Variants in GARRE1 observed in about 807,000 individuals in gnomAD.
GARRE1 encodes the protein granule associated Rac and RHOG effector 1.
Under a neutral mutation model 103.2 loss-of-function variants are expected in GARRE1, and 49 were observed. The observed-to-expected ratio is 0.47, with a 90% CI of 0.38 to 0.60. The LOEUF is 0.60. Among genes scored for constraint, GARRE1 ranks in the 20% least tolerant of loss-of-function variants. The probability of loss-of-function intolerance (pLI) is 0.00; values close to 1 mark genes in which losing one functional copy is unlikely to be tolerated. For missense variants in GARRE1, 1,199 were observed against 1,370.5 expected (o/e 0.87, Z 1.98); for synonymous variants, 505 against 532.8 (o/e 0.95, Z 0.72).
At chr19:34,333,959 G>T (rs1032615080) in intron 8 of GARRE1, among the ~76,000 whole-genome samples, 158 bp downstream of exon 8, 2 of 152,208 alleles carry the variant, frequency 1.3e-5, no homozygotes, top group Non-Finnish European at 1.5e-5. Flanking sequence ...TTAGTGGCAT[G>T]TGTCATGATT....
At position 34,341,415 on chromosome 19, in the gene GARRE1, T is replaced by G; in HGVS notation, c.1488-7T>G. On this transcript the variant is annotated splice_polypyrimidine_tract_variant and splice_region_variant and intron_variant, in intron 9 of 13. Coordinates refer to ENST00000299505, the MANE Select transcript of GARRE1 (RefSeq NM_014686.5). Reference sequence around the variant, plus strand: ...TTTTTTTTTTAAACAAATTTCTGTTTAAATAGGGAGCAAGCTTTACCCTGC... The same window carrying G: ...TTTTTTTTTTAAACAAATTTCTGTTGAAATAGGGAGCAAGCTTTACCCTGC... 6.3e-7 allele frequency: 1 copy of G among 1,596,006 alleles called. No individual in the cohort carries two copies. The highest frequency in any genetic ancestry group is 8.5e-7 in the Non-Finnish European group (1 of 1,174,604).
At chr19:34,295,323 T>C (rs924765600) in intron 1 of GARRE1, among the ~76,000 whole-genome samples, 2 of 152,190 alleles carry the variant, frequency 1.3e-5, no homozygotes, top group Admixed American at 6.5e-5. Flanking sequence ...TTATCTTTGA[T>C]AAATTATCCC....
At chr19:34,267,406 A>G (rs759355885) in intron 1 of GARRE1, among the ~76,000 whole-genome samples, 8 of 152,002 alleles carry the variant, frequency 5.3e-5, no homozygotes, top group East Asian at 1.9e-4. Flanking sequence ...AAGTCTTGCT[A>G]TGTTGCCCAG....
At chr19:34,268,411 A>G (rs901093118) in intron 1 of GARRE1, among the ~76,000 whole-genome samples, 6 of 152,094 alleles carry the variant, frequency 3.9e-5, no homozygotes, top group African/African-American at 1.4e-4. Flanking sequence ...TCTGTTTAAC[A>G]AAGATTTTTT....
At chr19:34,277,808 A>G (rs2073825764) in intron 1 of GARRE1, among the ~76,000 whole-genome samples, 1 of 151,550 alleles carries the variant, frequency 6.6e-6, no homozygotes, top group African/African-American at 2.4e-5. Context: ...TTCTTTATTT[A>G]TTGGCTAATT....
chr19:34,313,302 G>A (rs1421456032), intron 2 of GARRE1, among the ~76,000 whole-genome samples: 1 of 152,100 alleles, frequency 6.6e-6, no homozygotes, highest in East Asian at 1.9e-4. Context: ...AGATGAATAG[G>A]AAGCCGCCCA....
intron 1 of GARRE1, among the ~76,000 whole-genome samples, chr19:34,298,748 G>C (rs1160948704): frequency 6.6e-6 from 1 of 152,132 alleles, no homozygotes; most frequent in African/African-American, 2.4e-5. Context: ...TGGTAAATGT[G>C]ACTTTCAGTG....
At position 34,342,115 on chromosome 19, in the gene GARRE1, A is replaced by G. The variant is rs1224281599; in HGVS notation, c.2181A>G (p.Gln727=). The change falls in exon 10 of 14, where the codon CAA becomes CAG. Residue 727 remains glutamine (Q), a synonymous_variant. Coordinates refer to ENST00000299505, the MANE Select transcript of GARRE1 (RefSeq NM_014686.5). ...LAPQQQSPKQ[Q]QPQVQYYQHL... is the part of the protein sequence containing the mutation. ...CTCAGCAGCAGTCCCCAAAGCAGCA[A>G]CAACCTCAAGTCCAATACTACCAAC... The G allele has an allele frequency of 4.3e-6, 7 of 1,614,130 alleles. No homozygotes were observed. Among genetic ancestry groups the G allele is most frequent in the African/African-American group, 1.3e-5 (1 of 75,044 alleles).
At chr19:34,329,860 C>G (rs2074129380) in intron 6 of GARRE1, among the ~76,000 whole-genome samples, 1 of 151,806 alleles carries the variant, frequency 6.6e-6, no homozygotes. Context: ...AAAAAATGCT[C>G]TTTTCCCAGG....
chr19:34,315,261 G>C (rs978816679), intron 2 of GARRE1, among the ~76,000 whole-genome samples: 4 of 152,180 alleles, frequency 2.6e-5, no homozygotes, highest in African/African-American at 4.8e-5. Flanking sequence ...GGGAAATGGG[G>C]TGGACTTGGG....
intron 1 of GARRE1, among the ~76,000 whole-genome samples, chr19:34,255,068 C>G (rs947662082): frequency 5.3e-5 from 8 of 151,954 alleles, no homozygotes; most frequent in Non-Finnish European, 1.2e-4. Context: ...GGGAGGCGGC[C>G]CTCACGCCAT....
intron 2 of GARRE1, among the ~76,000 whole-genome samples, chr19:34,302,379 C>T (rs538172493): frequency 1.5e-5 from 2 of 133,862 alleles, no homozygotes; most frequent in East Asian, 2.4e-4. Flanking sequence ...ACTGCAACAT[C>T]GCCTCCCAGG....
At chr19:34,311,654 A>G (rs1480877180) in intron 2 of GARRE1, among the ~76,000 whole-genome samples, 6 of 152,156 alleles carry the variant, frequency 3.9e-5, no homozygotes, top group Non-Finnish European at 8.8e-5. Flanking sequence ...CTTGTTGTCC[A>G]GGCTGGAGTA....
chr19:34,271,191 ATGCTGTGC>A (rs1267292892), intron 1 of GARRE1, among the ~76,000 whole-genome samples: 1 of 148,834 alleles, frequency 6.7e-6, no homozygotes, highest in Non-Finnish European at 1.5e-5. Flanking sequence ...TACTTAGAGT[ATGCTGTGC>A]TCTATCAGCT....
chr19:34,325,627 C>CCCCT (rs2074108023), intron 3 of GARRE1, among the ~76,000 whole-genome samples: 1 of 152,202 alleles, frequency 6.6e-6, no homozygotes, highest in Non-Finnish European at 1.5e-5. Context: ...CGTTACTTCT[C>CCCCT]CCCTCCCTGT....
chr19:34,302,445 A>G (rs1385331465), intron 2 of GARRE1, among the ~76,000 whole-genome samples: 2 of 150,554 alleles, frequency 1.3e-5, no homozygotes, highest in Non-Finnish European at 3.0e-5. Flanking sequence ...GGCGCCCACC[A>G]CCACACCCGG....
In GARRE1 at chr19:34,254,596, G is replaced by A. The variant is rs920280856; in HGVS notation, c.-814G>A. 1 of 151,554 alleles carries A rather than the reference G, an allele frequency of 6.6e-6. No individual in the cohort carries two copies. The highest frequency in any genetic ancestry group is 2.4e-5 in the African/African-American group (1 of 41,244). The allele number at this position is 151,554 out of a possible 1,614,324, so 9.4% of individuals were successfully genotyped here. A position where few individuals can be genotyped will look rare whatever the true frequency, so the allele number is the denominator to read the frequency against. On this transcript the variant is annotated 5_prime_UTR_variant, in exon 1 of 14. Transcript: ENST00000299505. ...CAGCCGGTCCAAGGCGGTGCGCTGGGGGCCGGGGCGCGTCGCAGGTGAGGA... is the reference window on the plus strand; with the variant it reads ...CAGCCGGTCCAAGGCGGTGCGCTGGAGGCCGGGGCGCGTCGCAGGTGAGGA...
intron 2 of GARRE1, among the ~76,000 whole-genome samples, chr19:34,318,035 C>T (rs949374169): frequency 1.3e-5 from 2 of 152,134 alleles, no homozygotes; most frequent in South Asian, 2.1e-4. Flanking sequence ...CCTGTGATGT[C>T]GGTTGTTGTT....
chr19:34,263,223 TAAATAA>T (rs957550265), intron 1 of GARRE1, among the ~76,000 whole-genome samples: 11 of 150,912 alleles, frequency 7.3e-5, no homozygotes, highest in South Asian at 2.1e-4. Context: ...AAAAAATAAA[TAAATAA>T]AAATAAAATA....
Sources: allele counts gnomAD v4.1 joint callset (sites outside exome capture counted in the v4.1 genomes callset), GRCh38; gene constraint gnomAD v4.1.1; transcripts MANE v1.5; gene names NCBI Gene and HGNC (gene_info 2026-07-23, HGNC 2026-07-21).